ENTHD1: variants seen among roughly 807,000 people sequenced by gnomAD.
ENTHD1 encodes the protein ENTH domain-containing protein 1.
Under a neutral mutation model 39.1 loss-of-function variants are expected in ENTHD1, and 23 were observed. That is an observed-to-expected ratio of 0.59 (90% CI 0.42 to 0.83). ENTHD1 has a LOEUF of 0.83. Ranked by LOEUF, ENTHD1 falls within the 40% of genes least tolerant of loss-of-function variation. The probability of loss-of-function intolerance (pLI) is 0.00; values close to 1 mark genes in which losing one functional copy is unlikely to be tolerated. For missense variants in ENTHD1, 624 were observed against 705.4 expected (o/e 0.88, Z 1.31); for synonymous variants, 230 against 258.2 (o/e 0.89, Z 1.05).
chr22:39,872,710 G>A (rs2066253809), intron 2 of ENTHD1, among the ~76,000 whole-genome samples: 1 of 152,134 alleles, frequency 6.6e-6, no homozygotes, highest in Non-Finnish European at 1.5e-5. Context: ...AGGATACAAT[G>A]GGGAGTATTA....
In ENTHD1 at chr22:39,860,146, AAAG is replaced by A. The variant is rs200196591; in HGVS notation, c.592+1616_592+1618del. 3.0e-3 allele frequency among the ~76,000 whole-genome samples: 459 copies of A among 152,258 alleles called. 4 individuals carry two copies. The highest frequency in any genetic ancestry group is 0.011 in the African/African-American group (440 of 41,570). ...CCACTAGAATGTTAGTTCCATGATA[AAAG>A]AAAACTTATTTTACTCACTCCTATA... On this transcript the variant is annotated intron_variant, in intron 3 of 6. Coordinates refer to ENST00000325157, the MANE Select transcript of ENTHD1 (RefSeq NM_152512.4).
At chr22:39,787,250 C>A (rs2065466411) in intron 5 of ENTHD1, among the ~76,000 whole-genome samples, 1 of 152,114 alleles carries the variant, frequency 6.6e-6, no homozygotes, top group Non-Finnish European at 1.5e-5. Context: ...CACCGACCAG[C>A]CATCCCTCAT....
At chr22:39,890,213 TAGGA>T (rs2066416229) in intron 1 of ENTHD1, among the ~76,000 whole-genome samples, 1 of 151,964 alleles carries the variant, frequency 6.6e-6, no homozygotes, top group Non-Finnish European at 1.5e-5. Flanking sequence ...TCATTAACCC[TAGGA>T]AGAAAAAGAG....
chr22:39,827,409 A>G (rs2065835668), intron 4 of ENTHD1, among the ~76,000 whole-genome samples: 1 of 152,196 alleles, frequency 6.6e-6, no homozygotes, highest in Non-Finnish European at 1.5e-5. Context: ...GTCATAAATA[A>G]AAATTTTAAA....
At chr22:39,831,579 C>A (rs151159233) in intron 4 of ENTHD1, among the ~76,000 whole-genome samples, 1 of 152,288 alleles carries the variant, frequency 6.6e-6, no homozygotes, top group South Asian at 2.1e-4. Flanking sequence ...AATCCCAACA[C>A]TTTGGGAAGC....
At chr22:39,850,344 C>T (rs1211411063) in intron 3 of ENTHD1, among the ~76,000 whole-genome samples, 3 of 152,106 alleles carry the variant, frequency 2.0e-5, no homozygotes, top group Non-Finnish European at 4.4e-5. Flanking sequence ...TTTAAAGTCT[C>T]CTTTGCCTGT....
At chr22:39,831,764 T>C (rs998005337) in intron 4 of ENTHD1, among the ~76,000 whole-genome samples, 1 of 152,092 alleles carries the variant, frequency 6.6e-6, no homozygotes, top group Non-Finnish European at 1.5e-5. Flanking sequence ...AGGCGGAGGT[T>C]GCAGTGAGCC....
intron 2 of ENTHD1, among the ~76,000 whole-genome samples, chr22:39,872,084 A>G (rs2066248930): frequency 6.6e-6 from 1 of 152,194 alleles, no homozygotes; most frequent in African/African-American, 2.4e-5. Flanking sequence ...CTGACTCTCG[A>G]TGTCTGACAC....
At chr22:39,782,114 C>T (rs544676268) in intron 5 of ENTHD1, among the ~76,000 whole-genome samples, 1 of 152,136 alleles carries the variant, frequency 6.6e-6, no homozygotes, top group Admixed American at 6.5e-5. Context: ...TGGCGAAACC[C>T]CATCTCAACT....
chr22:39,813,069 C>T lies in ENTHD1; in HGVS notation c.832+7924G>A, dbSNP rs187300250. On this transcript the variant is annotated intron_variant, in intron 5 of 6. Coordinates refer to ENST00000325157, the MANE Select transcript of ENTHD1 (RefSeq NM_152512.4). ...AAGTGCTGGGATTATAGGTGTGAGA[C>T]ACTGTGCCCGGCCCAGTGCTTTGTC... 3.6e-3 allele frequency among the ~76,000 whole-genome samples: 548 copies of T among 152,326 alleles called. 5 individuals carry two copies. Among genetic ancestry groups the T allele is most frequent in the African/African-American group, 0.012 (480 of 41,566 alleles).
chr22:39,812,105 T>C (rs1157170477), intron 5 of ENTHD1, among the ~76,000 whole-genome samples: 1 of 151,766 alleles, frequency 6.6e-6, no homozygotes, highest in Non-Finnish European at 1.5e-5. Context: ...ATGATCCCAC[T>C]CTTTCACTGC....
At chr22:39,793,122 T>G (rs2065518106) in intron 5 of ENTHD1, among the ~76,000 whole-genome samples, 1 of 152,206 alleles carries the variant, frequency 6.6e-6, no homozygotes, top group Non-Finnish European at 1.5e-5. Flanking sequence ...TGATAAAAGC[T>G]ATTTAAACTA....
intron 6 of ENTHD1, among the ~76,000 whole-genome samples, chr22:39,754,068 G>C (rs1161946192): frequency 6.6e-6 from 1 of 151,892 alleles, no homozygotes; most frequent in Non-Finnish European, 1.5e-5. Context: ...TGTAATCCGG[G>C]GGTCAGCAAA....
intron 1 of ENTHD1, chr22:39,893,294 C>A (rs1197737519): frequency 6.6e-6 from 1 of 152,118 alleles, no homozygotes; most frequent in Non-Finnish European, 1.5e-5. Flanking sequence ...TTGAAAATGG[C>A]GGGTGGAGGC....
chr22:39,812,724 T>A (rs1419889187), intron 5 of ENTHD1, among the ~76,000 whole-genome samples: 1 of 152,084 alleles, frequency 6.6e-6, no homozygotes, highest in African/African-American at 2.4e-5. Flanking sequence ...GCTACATCAC[T>A]AGCAGGGAAA....
At chr22:39,862,932 A>G (rs2066154572) in intron 2 of ENTHD1, among the ~76,000 whole-genome samples, 1 of 152,094 alleles carries the variant, frequency 6.6e-6, no homozygotes, top group South Asian at 2.1e-4. Context: ...TTCCCACAGC[A>G]TTTGTCTCTT....
At chr22:39,805,346 T>A (rs1399644561) in intron 5 of ENTHD1, among the ~76,000 whole-genome samples, 1 of 152,152 alleles carries the variant, frequency 6.6e-6, no homozygotes, top group African/African-American at 2.4e-5. Context: ...AATATCTGCA[T>A]CAGTCACTCA....
chr22:39,848,128 A>G (rs2066005503), intron 3 of ENTHD1, among the ~76,000 whole-genome samples: 1 of 152,202 alleles, frequency 6.6e-6, no homozygotes, highest in South Asian at 2.1e-4. Flanking sequence ...GGCCACTTGC[A>G]TCCCTTATTA....
At chr22:39,866,979 C>T (rs1025188681) in intron 2 of ENTHD1, among the ~76,000 whole-genome samples, 11 of 151,962 alleles carry the variant, frequency 7.2e-5, no homozygotes, top group African/African-American at 9.7e-5. Context: ...CTCGGCCCAC[C>T]GCCAGCTCTG....
Sources: allele counts gnomAD v4.1 joint callset (sites outside exome capture counted in the v4.1 genomes callset), GRCh38; gene constraint gnomAD v4.1.1; transcripts MANE v1.5; gene names NCBI Gene and HGNC (gene_info 2026-07-23, HGNC 2026-07-21).